Variants in UBE2E2 observed in about 807,000 individuals in gnomAD.
UBE2E2 encodes ubiquitin conjugating enzyme E2 E2.
UBE2E2 carries 6 observed loss-of-function variants against 24.7 expected under a neutral mutation model. The ratio of observed to expected loss-of-function variants is 0.24; its 90% CI spans 0.13 to 0.48. The LOEUF is 0.48. UBE2E2 is among the 20% of genes least tolerant of loss of function. The pLI is 0.99. For missense variants in UBE2E2, 169 were observed against 245.0 expected (o/e 0.69, Z 2.07); for synonymous variants, 104 against 83.6 (o/e 1.24, Z -1.33).
Position 23,463,075 on chromosome 3 carries a change from C to T in UBE2E2, c.228-36533C>T, listed in dbSNP as rs540414554. Among the ~76,000 whole-genome samples the T allele has an allele frequency of 3.3e-5, 5 of 152,204 alleles. No individual in the cohort carries two copies. In the East Asian group the frequency reaches 9.6e-4, roughly 29 times the overall value. On this transcript the variant is annotated intron_variant, in intron 3 of 5. Coordinates refer to ENST00000396703, the MANE Select transcript of UBE2E2 (RefSeq NM_152653.4). ...CCTTATGGGTGAGACTTTATATCCA[C>T]GCTAAAAGGAGATCAGTAAATGTTG...
intron 3 of UBE2E2, among the ~76,000 whole-genome samples, chr3:23,377,645 C>G (rs1474157586): frequency 3.3e-5 from 5 of 152,186 alleles, no homozygotes; most frequent in Admixed American, 2.6e-4. Context: ...AGCTCATGCT[C>G]TGGAATCCAA....
intron 5 of UBE2E2, among the ~76,000 whole-genome samples, chr3:23,549,335 A>G (rs1021857831): frequency 6.6e-6 from 1 of 152,212 alleles, no homozygotes; most frequent in Non-Finnish European, 1.5e-5. Flanking sequence ...AGTCATAGTG[A>G]CATGCCCTTG....
intron 3 of UBE2E2, among the ~76,000 whole-genome samples, chr3:23,440,961 A>G (rs929198634): frequency 1.3e-5 from 2 of 152,128 alleles, no homozygotes; most frequent in African/African-American, 2.4e-5. Flanking sequence ...AAACAAGCAC[A>G]GGAAACTTGA....
chr3:23,496,438 C>T (rs898576926), intron 3 of UBE2E2, among the ~76,000 whole-genome samples: 2 of 152,244 alleles, frequency 1.3e-5, no homozygotes, highest in Non-Finnish European at 2.9e-5. Flanking sequence ...CTCTTCTGAA[C>T]TTTTTTCTTA....
At chr3:23,325,949 C>T (rs1436580821) in intron 3 of UBE2E2, among the ~76,000 whole-genome samples, 1 of 152,162 alleles carries the variant, frequency 6.6e-6, no homozygotes, top group African/African-American at 2.4e-5. Context: ...TATTTTTAAC[C>T]TGATACTTTT....
At chr3:23,514,089 C>T (rs961431516) in intron 4 of UBE2E2, among the ~76,000 whole-genome samples, 1 of 152,244 alleles carries the variant, frequency 6.6e-6, no homozygotes, top group Non-Finnish European at 1.5e-5. Context: ...TGCCTCATCA[C>T]ATGCAGGCCC....
intron 3 of UBE2E2, among the ~76,000 whole-genome samples, chr3:23,462,032 T>C (rs554377137): frequency 9.2e-4 from 140 of 152,302 alleles, no homozygotes; most frequent in Non-Finnish European, 1.8e-3. Context: ...TATCCCACTA[T>C]GGAATTTATT....
At chr3:23,325,581 T>G (rs930277216) in intron 3 of UBE2E2, among the ~76,000 whole-genome samples, 1 of 152,350 alleles carries the variant, frequency 6.6e-6, no homozygotes, top group East Asian at 1.9e-4. Context: ...TCTAAACCCA[T>G]AGACTTACAC....
intron 3 of UBE2E2, among the ~76,000 whole-genome samples, chr3:23,479,833 G>T (rs542609805): frequency 2.0e-5 from 3 of 152,308 alleles, no homozygotes; most frequent in African/African-American, 7.2e-5. Context: ...GTGTAAGTCT[G>T]GCTGAGTCTG....
chr3:23,557,632 GCT>G (rs1695823682), intron 5 of UBE2E2, among the ~76,000 whole-genome samples: 1 of 152,134 alleles, frequency 6.6e-6, no homozygotes, highest in Admixed American at 6.5e-5. Flanking sequence ...ACAAACAGTG[GCT>G]CTGTCAGGAA....
At chr3:23,539,243 A>AT (rs1209865972) in intron 5 of UBE2E2, among the ~76,000 whole-genome samples, 3 of 152,116 alleles carry the variant, frequency 2.0e-5, no homozygotes, top group African/African-American at 7.2e-5. Context: ...CAAACATCCA[A>AT]TTTGCCTTGG....
chr3:23,348,990 A>C (rs1329279491), intron 3 of UBE2E2, among the ~76,000 whole-genome samples: 1 of 151,580 alleles, frequency 6.6e-6, no homozygotes, highest in Non-Finnish European at 1.5e-5. Flanking sequence ...TCCCCTGACC[A>C]CCCCCCCACC....
intron 1 of UBE2E2, among the ~76,000 whole-genome samples, chr3:23,207,954 A>G (rs1239142762): frequency 6.6e-6 from 1 of 152,168 alleles, no homozygotes; most frequent in African/African-American, 2.4e-5. Flanking sequence ...ATCACCGCAC[A>G]GGGAAGCATC....
intron 3 of UBE2E2, among the ~76,000 whole-genome samples, chr3:23,450,691 C>T (rs892674193): frequency 4.4e-4 from 67 of 151,956 alleles, no homozygotes; most frequent in Admixed American, 9.8e-4. Context: ...TTTAAATATT[C>T]CGGCTTTATT....
rs1696697064 is a variant in UBE2E2 at position 23,589,060 on chromosome 3, T to A, written c.509-674T>A. The stretch of plus-strand genomic sequence containing the variant: ...GAGTTGTCCAGACCGCCAAACGTCT[T>A]CCCAGGAGAGCTCATCAAGAGCCCA... On this transcript the variant is annotated intron_variant, in intron 5 of 5. Coordinates refer to ENST00000396703, the MANE Select transcript of UBE2E2 (RefSeq NM_152653.4). The surrounding 1 kb of genome is among the most constrained non-coding windows in gnomAD (Gnocchi z 4.1). Among the ~76,000 whole-genome samples the A allele has an allele frequency of 6.6e-6, 1 of 151,850 alleles. No homozygotes were observed. Among genetic ancestry groups the A allele is most frequent in the African/African-American group, 2.4e-5 (1 of 41,312 alleles).
intron 3 of UBE2E2, among the ~76,000 whole-genome samples, chr3:23,230,006 G>C (rs181248521): frequency 1.4e-4 from 21 of 152,046 alleles, no homozygotes; most frequent in African/African-American, 4.8e-4. Context: ...TTGTAGTTAG[G>C]TATTTATGTT....
At chr3:23,267,685 A>G (rs1159192340) in intron 3 of UBE2E2, among the ~76,000 whole-genome samples, 1 of 152,090 alleles carries the variant, frequency 6.6e-6, no homozygotes, top group Non-Finnish European at 1.5e-5. Context: ...AAAAGAGGGA[A>G]TCCTCCCTAA....
chr3:23,535,658 C>T (rs1173089567), intron 5 of UBE2E2, among the ~76,000 whole-genome samples: 2 of 122,680 alleles, frequency 1.6e-5, no homozygotes, highest in East Asian at 2.6e-4. Context: ...GAGTCTCGCT[C>T]TGTCGCCCAG....
intron 3 of UBE2E2, among the ~76,000 whole-genome samples, chr3:23,361,290 G>A (rs1696107057): frequency 1.3e-5 from 2 of 152,188 alleles, no homozygotes; most frequent in Non-Finnish European, 2.9e-5. Context: ...AGAACTCAAA[G>A]TAGAACTACT....
Sources: allele counts gnomAD v4.1 joint callset (sites outside exome capture counted in the v4.1 genomes callset), GRCh38; gene constraint gnomAD v4.1.1; non-coding constraint Gnocchi (gnomAD v3.1); transcripts MANE v1.5; gene names NCBI Gene and HGNC (gene_info 2026-07-23, HGNC 2026-07-21).